Variants in LIN9 observed in about 807,000 individuals in gnomAD.
LIN9 encodes lin-9 DREAM MuvB core complex component.
In LIN9, 18 loss-of-function variants were observed where a neutral mutation model predicts 78.0. The ratio of observed to expected loss-of-function variants is 0.23; its 90% CI spans 0.16 to 0.34. The LOEUF (loss-of-function observed/expected upper bound fraction) is 0.34, where lower values mean the gene tolerates loss of function less well. LIN9 is among the 10% of genes least tolerant of loss of function. The pLI is 1.00. For missense variants in LIN9, 451 were observed against 644.1 expected, an observed-to-expected ratio of 0.70 and a Z score of 3.25; for synonymous variants, 192 against 215.2, an observed-to-expected ratio of 0.89 and a Z score of 0.94.
intron 8 of LIN9, 39 bp from the exon 9 acceptor site, chr1:226,266,371 T>C (rs887061188): frequency 6.4e-7 from 1 of 1,550,438 alleles, no homozygotes; most frequent in Non-Finnish European, 8.8e-7. Context: ...TAAAGAAATT[T>C]ACCAATCATT....
chr1:226,308,222 A>G (rs2102696100), intron 1 of LIN9, among the ~76,000 whole-genome samples: 1 of 152,358 alleles, frequency 6.6e-6, no homozygotes, highest in East Asian at 1.9e-4. Context: ...AAATTACAAA[A>G]TTAAGTTCCA....
At chr1:226,302,051 A>C (rs1038637718) in intron 1 of LIN9, among the ~76,000 whole-genome samples, 1 of 152,214 alleles carries the variant, frequency 6.6e-6, no homozygotes, top group Non-Finnish European at 1.5e-5. Flanking sequence ...CCTGACAGAC[A>C]GAGTACGACT....
intron 12 of LIN9, among the ~76,000 whole-genome samples, chr1:226,236,890 A>G (rs958550671): frequency 5.3e-5 from 8 of 152,198 alleles, no homozygotes; most frequent in South Asian, 4.1e-4. Context: ...AGTTGATTGT[A>G]GTACTGATGG....
chr1:226,255,798 C>A (rs1487740518), intron 10 of LIN9, among the ~76,000 whole-genome samples: 2 of 151,024 alleles, frequency 1.3e-5, no homozygotes, highest in Non-Finnish European at 2.9e-5. Flanking sequence ...ATAGGAACTT[C>A]CAAAACTAAA....
intron 6 of LIN9, among the ~76,000 whole-genome samples, chr1:226,278,669 CA>C (rs1232481438): frequency 1.3e-5 from 2 of 149,022 alleles, no homozygotes; most frequent in Non-Finnish European, 3.0e-5. Context: ...ACTAAAAATG[CA>C]AAAATTAGAC....
intron 10 of LIN9, among the ~76,000 whole-genome samples, chr1:226,259,483 A>C (rs1659421690): frequency 6.6e-6 from 1 of 152,170 alleles, no homozygotes; most frequent in African/African-American, 2.4e-5. Flanking sequence ...TTCATCCAAC[A>C]ACCATAGAAT....
chr1:226,292,407 G>C (rs917834204), intron 4 of LIN9, among the ~76,000 whole-genome samples: 3 of 152,040 alleles, frequency 2.0e-5, no homozygotes, highest in African/African-American at 7.2e-5. Flanking sequence ...CCATCCACCT[G>C]CCTTAGCCTC....
chr1:226,286,767 A>G (rs560634628), intron 5 of LIN9, among the ~76,000 whole-genome samples: 13 of 152,332 alleles, frequency 8.5e-5, no homozygotes, highest in African/African-American at 2.6e-4. Context: ...AAACCAAGTT[A>G]GCTACAAAGT....
At chr1:226,260,668 A>C (rs551401906) in intron 10 of LIN9, among the ~76,000 whole-genome samples, 4 of 89,296 alleles carry the variant, frequency 4.5e-5, no homozygotes, top group South Asian at 8.2e-4. Flanking sequence ...TTTTTGAGAC[A>C]GTGTCTTGCT....
At position 226,254,885 on chromosome 1, in the gene LIN9, T is replaced by C. The variant is rs545136041; in HGVS notation, c.1039-3966A>G. On this transcript the variant is annotated intron_variant, in intron 10 of 14. Transcript: ENST00000681046. The stretch of plus-strand genomic sequence containing the variant: ...GAGATCGTGCCACTACACTCTTGCC[T>C]GGGCGACAGAGCGAGACTCTGTCTC... 1.8e-3 allele frequency among the ~76,000 whole-genome samples: 231 copies of C among 127,946 alleles called. 1 individual carries two copies. The highest frequency in any genetic ancestry group is 2.5e-3 in the Non-Finnish European group (163 of 64,314). 83.9% of individuals were successfully genotyped at this position (127,946 alleles called of 152,430 possible).
intron 1 of LIN9, among the ~76,000 whole-genome samples, chr1:226,305,554 C>T (rs952306484): frequency 6.7e-6 from 1 of 150,256 alleles, no homozygotes; most frequent in Non-Finnish European, 1.5e-5. Context: ...TGGGAAATGG[C>T]TCTCTGAAGA....
intron 4 of LIN9, among the ~76,000 whole-genome samples, chr1:226,293,952 A>C (rs930657635): frequency 2.0e-5 from 3 of 152,194 alleles, no homozygotes; most frequent in Non-Finnish European, 4.4e-5. Flanking sequence ...AAATTATCAT[A>C]AGGCATTTAA....
At chr1:226,284,387 A>C (rs1661268978) in intron 6 of LIN9, among the ~76,000 whole-genome samples, 1 of 151,910 alleles carries the variant, frequency 6.6e-6, no homozygotes, top group African/African-American at 2.4e-5. Context: ...TTCCTGCTTG[A>C]TTTCTCCCCT....
At chr1:226,290,881 C>T (rs916171385) in intron 4 of LIN9, among the ~76,000 whole-genome samples, 1 of 152,196 alleles carries the variant, frequency 6.6e-6, no homozygotes, top group East Asian at 1.9e-4. Flanking sequence ...CTCAGCCTCC[C>T]GAGTAGCTGG....
At chr1:226,295,781 T>C in intron 4 of LIN9, 61 bp downstream of exon 4, 3 of 996,324 alleles carry the variant, frequency 3.0e-6, no homozygotes, top group Non-Finnish European at 4.6e-6. Flanking sequence ...ATATAAACTT[T>C]ATTAGGCTGA....
At chr1:226,279,101 C>A (rs532233294) in intron 6 of LIN9, among the ~76,000 whole-genome samples, 83 of 151,962 alleles carry the variant, frequency 5.5e-4, no homozygotes, top group African/African-American at 1.9e-3. Flanking sequence ...GCTGAGCTTG[C>A]AGTGAGCCAA....
chr1:226,248,155 TTC>T (rs1413425997), intron 11 of LIN9, among the ~76,000 whole-genome samples: 1 of 152,270 alleles, frequency 6.6e-6, no homozygotes. Context: ...AGAGAAGTGC[TTC>T]TTTCTCTCCA....
intron 7 of LIN9, 39 bp from the exon 8 acceptor site, chr1:226,268,129 A>G: frequency 5.0e-6 from 8 of 1,592,414 alleles, no homozygotes; most frequent in Non-Finnish European, 6.9e-6. Flanking sequence ...TGTGGGAGAT[A>G]CAAAGAATAG....
intron 6 of LIN9, among the ~76,000 whole-genome samples, chr1:226,284,395 CCT>C (rs1387220212): frequency 6.6e-6 from 1 of 151,924 alleles, no homozygotes; most frequent in Non-Finnish European, 1.5e-5. Flanking sequence ...TGATTTCTCC[CCT>C]CTTATATGTG....
Sources: allele counts gnomAD v4.1 joint callset (sites outside exome capture counted in the v4.1 genomes callset), GRCh38; gene constraint gnomAD v4.1.1; transcripts MANE v1.5; gene names NCBI Gene and HGNC (gene_info 2026-07-23, HGNC 2026-07-21).